The following HDGFL2 variants were observed in gnomAD, a reference collection of about 807,000 sequenced individuals.
HDGFL2 encodes HDGF like 2, also known as hepatoma-derived growth factor-related protein 2.
Under a neutral mutation model 77.1 loss-of-function variants are expected in HDGFL2, and 36 were observed. The ratio of observed to expected loss-of-function variants is 0.47; its 90% CI spans 0.36 to 0.62. HDGFL2 has a LOEUF of 0.62. HDGFL2 is among the 20% of genes least tolerant of loss of function. HDGFL2 has a pLI of 0.00. For missense variants in HDGFL2, 976 were observed against 973.4 expected (o/e 1.00, Z -0.04); for synonymous variants, 463 against 413.1 (o/e 1.12, Z -1.46).
chr19:4,493,314 TGTCTGTGTGTGGC>T (rs1156931747), intron 6 of HDGFL2, among the ~76,000 whole-genome samples: 1 of 150,190 alleles, frequency 6.7e-6, no homozygotes, highest in East Asian at 2.0e-4. Context: ...GTGTGTGTGG[TGTCTGTGTGTGGC>T]GTGTGTGTTT....
At chr19:4,488,413 A>C (rs1255474844) in intron 3 of HDGFL2, among the ~76,000 whole-genome samples, 2 of 150,518 alleles carry the variant, frequency 1.3e-5, no homozygotes, top group African/African-American at 4.9e-5. Flanking sequence ...ACTGAAGCAC[A>C]GAGGGTTGAA....
chr19:4,492,924 A>G (rs1291272245), intron 6 of HDGFL2, among the ~76,000 whole-genome samples: 14 of 64,020 alleles, frequency 2.2e-4, no homozygotes, highest in East Asian at 4.7e-4. Context: ...TGTGGTGTGT[A>G]TCTGTGTGTG....
intron 3 of HDGFL2, among the ~76,000 whole-genome samples, chr19:4,479,596 A>G (rs1489802541): frequency 1.5e-5 from 2 of 134,300 alleles, no homozygotes; most frequent in African/African-American, 2.8e-5. Context: ...AAAAAAAAAG[A>G]AAGAAAGAAA....
At position 4,493,660 on chromosome 19, in the gene HDGFL2, G is replaced by A. The variant is rs1056542603; in HGVS notation, c.679-43G>A. 76 of 1,400,864 alleles carry A rather than the reference G, an allele frequency of 5.4e-5. 2 individuals carry two copies. The Middle Eastern group carries it at 8.6e-4, about 16-fold the overall frequency. The allele number at this position is 1,400,864 out of a possible 1,614,324, so 86.8% of individuals were successfully genotyped here. A position where few individuals can be genotyped will look rare whatever the true frequency, so the allele number is the denominator to read the frequency against. On this transcript the variant is annotated intron_variant, in intron 6 of 15. Coordinates refer to ENST00000616600, the MANE Select transcript of HDGFL2 (RefSeq NM_001001520.3). ...TGGCCTGGTGCGCCCCGCTTCTCAC[G>A]GTGGGGCTCCTGATGCTCACGCCTG...
Position 4,491,858 on chromosome 19 carries a change from T to G in HDGFL2, c.678+23T>G, listed in dbSNP as rs766449883. ...AAGGTAGCGTGCACTTGACTTTGTT[T>G]CCCATGCCCACTCGTGGGGCACCTC... On this transcript the variant is annotated intron_variant, in intron 6 of 15. Coordinates refer to ENST00000616600, the MANE Select transcript of HDGFL2 (RefSeq NM_001001520.3). 1.4e-5 allele frequency: 23 copies of G among 1,607,098 alleles called. 1 individual carries two copies. The Middle Eastern group carries it at 9.9e-4, about 69-fold the overall frequency.
chr19:4,501,821 A>G (rs755306083), intron 15 of HDGFL2, 90 bp from the exon 16 acceptor site: 47 of 938,126 alleles, frequency 5.0e-5, no homozygotes, highest in Middle Eastern at 3.4e-4. Flanking sequence ...CAACGGGGGT[A>G]CACTCCTCGG....
chr19:4,497,736 G>GA, intron 10 of HDGFL2: 1 of 558,534 alleles, frequency 1.8e-6, no homozygotes, highest in Non-Finnish European at 3.2e-6. Flanking sequence ...GAGAACTCGG[G>GA]AAAAGGCTTG....
In HDGFL2 at chr19:4,488,457, G is replaced by A. The variant is rs1403744045; in HGVS notation, c.289-219G>A. ...CCCCAGGTTTAACCCTGAAGCCCGC[G>A]GCCCGACCCTAGTGCCCACCATACA... On this transcript the variant is annotated intron_variant, in intron 3 of 15. Transcript: ENST00000616600. 3.3e-5 allele frequency among the ~76,000 whole-genome samples: 5 copies of A among 152,248 alleles called. No individual in the cohort carries two copies. The South Asian group carries it at 6.2e-4, about 19-fold the overall frequency.
In HDGFL2 at chr19:4,501,269, G is replaced by A. The variant is rs1049343594; in HGVS notation, c.1868G>A (p.Arg623Gln). ...SAEDKEHEEG[R>Q]DSEEGPRCGS... ...GAGGACAAGGAGCACGAGGAGGGTCGGGACTCGGAGGAGGGGCCAAGGTGT... is the reference window on the plus strand; with the variant it reads ...GAGGACAAGGAGCACGAGGAGGGTCAGGACTCGGAGGAGGGGCCAAGGTGT... The change falls in exon 15 of 16, where the codon CGG (arginine) becomes CAG (glutamine). Residue 623 changes from arginine (R) to glutamine (Q), a missense_variant. Physicochemically the swap from Arg to Gln is conservative, Grantham distance 43. Transcript: ENST00000616600. 1.2e-6 allele frequency: 2 copies of A among 1,612,430 alleles called. No homozygotes were observed. Among genetic ancestry groups the A allele is most frequent in the Non-Finnish European group, 1.7e-6 (2 of 1,179,156 alleles).
At chr19:4,494,850 T>C (rs1164193064) in intron 9 of HDGFL2, among the ~76,000 whole-genome samples, 2 of 150,124 alleles carry the variant, frequency 1.3e-5, no homozygotes, top group Non-Finnish European at 1.5e-5. Context: ...AGCCCAGGAG[T>C]TGGAGGCTGC....
intron 3 of HDGFL2, among the ~76,000 whole-genome samples, chr19:4,483,691 C>T (rs926964953): frequency 1.3e-5 from 2 of 152,112 alleles, no homozygotes; most frequent in Non-Finnish European, 2.9e-5. Context: ...ATCTCCTCCA[C>T]CTTGCTCTCT....
chr19:4,495,385 CAAAAA>C (rs747305046), intron 9 of HDGFL2, among the ~76,000 whole-genome samples: 15 of 54,232 alleles, frequency 2.8e-4, no homozygotes, highest in South Asian at 8.1e-4. Flanking sequence ...GACTCCATCT[CAAAAA>C]AAAAAAAAAA....
chr19:4,492,215 C>T (rs539735479), intron 6 of HDGFL2, among the ~76,000 whole-genome samples: 17 of 151,832 alleles, frequency 1.1e-4, no homozygotes, highest in African/African-American at 3.6e-4. Flanking sequence ...GCACGTGTGT[C>T]GACGTGCATG....
chr19:4,483,437 GC>G (rs1284467314), intron 3 of HDGFL2, among the ~76,000 whole-genome samples: 3 of 152,108 alleles, frequency 2.0e-5, no homozygotes, highest in African/African-American at 7.2e-5. Flanking sequence ...CCTCCTCCTG[GC>G]CCCCCCTCTT....
rs369187607 is a variant in HDGFL2 at position 4,488,516 on chromosome 19, G to T, written c.289-160G>T. Among the ~76,000 whole-genome samples the T allele has an allele frequency of 6.4e-4, 98 of 152,200 alleles. No homozygotes were observed. The highest frequency in any genetic ancestry group is 3.4e-3 in the Middle Eastern group (1 of 294). The stretch of plus-strand genomic sequence containing the variant: ...TCTCACTCTCCTGCCTTCGTTCTTC[G>T]GCTCTTCTGGGCCTCGGTTTCCCCA... On this transcript the variant is annotated intron_variant, in intron 3 of 15. Transcript: ENST00000616600.
chr19:4,481,136 C>G (rs1315396039), intron 3 of HDGFL2, among the ~76,000 whole-genome samples: 1 of 151,452 alleles, frequency 6.6e-6, no homozygotes, highest in African/African-American at 2.4e-5. Context: ...ATTCTCCTGC[C>G]TCAGCCTCCC....
At chr19:4,499,206 T>C (rs1305694619) in intron 13 of HDGFL2, among the ~76,000 whole-genome samples, 1 of 151,232 alleles carries the variant, frequency 6.6e-6, no homozygotes, top group Non-Finnish European at 1.5e-5. Flanking sequence ...ATTAGCCAGG[T>C]GTGGTGGCGC....
rs1975776185 is a variant in HDGFL2, at chr19:4,498,748, G to A, written c.1474-66G>A. 6 of 1,079,730 alleles carry A rather than the reference G, an allele frequency of 5.6e-6. No individual in the cohort carries two copies. In the Admixed American group the frequency reaches 5.9e-5, roughly 11 times the overall value. 66.9% of individuals were successfully genotyped at this position (1,079,730 alleles called of 1,614,324 possible). On this transcript the variant is annotated intron_variant, in intron 12 of 15. Transcript: ENST00000616600. ...CCCAGGATGTCTTCCTCCACCCATC[G>A]GGGCCCTGGGACCCCTGGGGATCCC...
intron 3 of HDGFL2, among the ~76,000 whole-genome samples, chr19:4,486,814 C>G (rs117093380): frequency 3.9e-5 from 6 of 152,310 alleles, no homozygotes; most frequent in Non-Finnish European, 7.3e-5. Context: ...TCAGCTTCTT[C>G]TGGTTCCCAA....
Sources: gnomAD v4.1 joint callset for allele counts (sites outside exome capture counted in the v4.1 genomes callset) on GRCh38, gnomAD v4.1.1 for gene constraint, MANE v1.5 for transcripts, NCBI Gene and HGNC (gene_info 2026-07-23, HGNC 2026-07-21) for gene names.